Variants in GRM8 observed in about 807,000 individuals in gnomAD.
GRM8 encodes the protein glutamate metabotropic receptor 8.
A neutral mutation model predicts 87.2 loss-of-function variants in GRM8; 47 were observed. The ratio of observed to expected loss-of-function variants is 0.54; its 90% CI spans 0.43 to 0.69. The LOEUF (loss-of-function observed/expected upper bound fraction) is 0.69, where lower values mean the gene tolerates loss of function less well. GRM8 is among the 30% of genes least tolerant of loss of function. GRM8 has a pLI of 0.00. For synonymous variants in GRM8, 396 were observed against 404.5 expected, an observed-to-expected ratio of 0.98 and a Z score of 0.25; for missense variants, 1,019 against 1,139.2, an observed-to-expected ratio of 0.89 and a Z score of 1.52.
In GRM8 at chr7:126,536,585, C is replaced by T. The variant is rs527639605; in HGVS notation, c.1495-2698G>A. Among the ~76,000 whole-genome samples, 30 of 151,838 alleles carry T rather than the reference C, an allele frequency of 2.0e-4. No homozygotes were observed. The South Asian group carries it at 6.0e-3, about 30-fold the overall frequency. On this transcript the variant is annotated intron_variant, in intron 8 of 10. Coordinates refer to ENST00000339582, the MANE Select transcript of GRM8 (RefSeq NM_000845.3). The stretch of plus-strand genomic sequence containing the variant: ...ACTTAAAAATATTATATTTTATTTA[C>T]TTATAAGATTACAGGAAGAAAGAAA...
At chr7:126,728,603 G>A (rs1364036336) in intron 7 of GRM8, among the ~76,000 whole-genome samples, 1 of 152,070 alleles carries the variant, frequency 6.6e-6, no homozygotes, top group East Asian at 1.9e-4. Flanking sequence ...GCACAAATAA[G>A]AAAATAAAAA....
intron 9 of GRM8, among the ~76,000 whole-genome samples, chr7:126,447,983 A>G (rs956579689): frequency 6.6e-6 from 1 of 152,028 alleles, no homozygotes; most frequent in Admixed American, 6.6e-5. Context: ...TACGGCTTAT[A>G]AATCTCCTAA....
At chr7:126,689,615 G>A (rs950744362) in intron 7 of GRM8, among the ~76,000 whole-genome samples, 1 of 152,082 alleles carries the variant, frequency 6.6e-6, no homozygotes, top group Non-Finnish European at 1.5e-5. Flanking sequence ...TGGGATCTAG[G>A]GGGTGGCTGG....
chr7:127,152,601 C>T (rs1403596980), intron 2 of GRM8, among the ~76,000 whole-genome samples: 1 of 152,116 alleles, frequency 6.6e-6, no homozygotes, highest in Non-Finnish European at 1.5e-5. Flanking sequence ...AGTTTATCTC[C>T]ACAGTAATCA....
At chr7:126,589,349 C>T (rs985379057) in intron 8 of GRM8, among the ~76,000 whole-genome samples, 3 of 152,018 alleles carry the variant, frequency 2.0e-5, no homozygotes, top group African/African-American at 4.8e-5. Context: ...CTGTAACTGT[C>T]GGCTGTCCCC....
At chr7:126,638,592 A>G (rs748658631) in intron 7 of GRM8, among the ~76,000 whole-genome samples, 4 of 152,178 alleles carry the variant, frequency 2.6e-5, no homozygotes, top group Non-Finnish European at 5.9e-5. Flanking sequence ...ATTGTAGGTC[A>G]GCCAGAAGTC....
intron 3 of GRM8, among the ~76,000 whole-genome samples, chr7:126,992,587 CAAGAAAAATTA>C (rs973642603): frequency 5.3e-5 from 8 of 152,114 alleles, no homozygotes; most frequent in Middle Eastern, 3.4e-3. Flanking sequence ...AAATTATTAC[CAAGAAAAATTA>C]AAGAAAAATT....
intron 9 of GRM8, among the ~76,000 whole-genome samples, chr7:126,448,948 C>T (rs1170061835): frequency 6.6e-6 from 1 of 151,714 alleles, no homozygotes; most frequent in Non-Finnish European, 1.5e-5. Flanking sequence ...AGGCTTAATA[C>T]ATGGGTGATA....
chr7:127,030,838 G>T (rs1024333852), intron 3 of GRM8, among the ~76,000 whole-genome samples: 3 of 152,040 alleles, frequency 2.0e-5, no homozygotes, highest in South Asian at 2.1e-4. Flanking sequence ...AAATGTTCTT[G>T]GATAGAAAGG....
At chr7:127,004,771 A>C (rs73448121) in intron 3 of GRM8, among the ~76,000 whole-genome samples, 109 of 151,812 alleles carry the variant, frequency 7.2e-4, no homozygotes, top group African/African-American at 2.6e-3. Flanking sequence ...CTAGTAGGTG[A>C]AATTTGAGTT....
chr7:126,580,311 T>G (rs1795491256), intron 8 of GRM8, among the ~76,000 whole-genome samples: 1 of 152,140 alleles, frequency 6.6e-6, no homozygotes, highest in Non-Finnish European at 1.5e-5. Flanking sequence ...AGTCCCTCTG[T>G]TTTTCATGAA....
chr7:127,027,704 T>C (rs1168408829), intron 3 of GRM8, among the ~76,000 whole-genome samples: 1 of 152,242 alleles, frequency 6.6e-6, no homozygotes, highest in Non-Finnish European at 1.5e-5. Flanking sequence ...TTTGCTGAAG[T>C]TGCTTATCAG....
At chr7:126,523,899 T>C (rs1167570430) in intron 9 of GRM8, among the ~76,000 whole-genome samples, 1 of 152,206 alleles carries the variant, frequency 6.6e-6, no homozygotes, top group African/African-American at 2.4e-5. Flanking sequence ...TTGTATAATA[T>C]TTACATTACT....
chr7:126,513,728 A>G (rs1179183435), intron 9 of GRM8, among the ~76,000 whole-genome samples: 1 of 152,158 alleles, frequency 6.6e-6, no homozygotes, highest in Non-Finnish European at 1.5e-5. Flanking sequence ...GTTATGAAAT[A>G]AAGAGAGATT....
intron 9 of GRM8, among the ~76,000 whole-genome samples, chr7:126,495,037 T>A (rs1290953611): frequency 6.6e-6 from 1 of 152,062 alleles, no homozygotes; most frequent in Non-Finnish European, 1.5e-5. Context: ...ATGCAACCCT[T>A]ACATATTAAA....
At chr7:126,596,391 C>T (rs1338131218) in intron 8 of GRM8, among the ~76,000 whole-genome samples, 1 of 152,132 alleles carries the variant, frequency 6.6e-6, no homozygotes, top group Non-Finnish European at 1.5e-5. Context: ...TTTTGATCTG[C>T]ATTTCTCTAA....
intron 3 of GRM8, among the ~76,000 whole-genome samples, chr7:126,950,302 AT>A: frequency 6.6e-6 from 1 of 152,324 alleles, no homozygotes; most frequent in Non-Finnish European, 1.5e-5. Flanking sequence ...AATATTCACA[AT>A]AAAAATTGAG....
intron 1 of GRM8, among the ~76,000 whole-genome samples, chr7:127,246,561 C>T (rs1269089447): frequency 6.6e-6 from 1 of 152,116 alleles, no homozygotes; most frequent in East Asian, 1.9e-4. Flanking sequence ...AACCATGAAC[C>T]CTCATAGCCC....
chr7:126,528,307 T>C (rs1814226300), intron 9 of GRM8, among the ~76,000 whole-genome samples: 1 of 152,168 alleles, frequency 6.6e-6, no homozygotes, highest in Non-Finnish European at 1.5e-5. Flanking sequence ...TTGAGACAAT[T>C]ACTTGGATAA....
Sources: gnomAD v4.1 joint callset for allele counts (sites outside exome capture counted in the v4.1 genomes callset) on GRCh38, gnomAD v4.1.1 for gene constraint, MANE v1.5 for transcripts, NCBI Gene and HGNC (gene_info 2026-07-23, HGNC 2026-07-21) for gene names.